The following SND1 variants were observed in gnomAD, a reference collection of about 807,000 sequenced individuals.
SND1 encodes staphylococcal nuclease domain-containing protein 1.
In SND1, 38 loss-of-function variants were observed where a neutral mutation model predicts 121.7. The observed-to-expected ratio is 0.31, with a 90% confidence interval of 0.24 to 0.41. The LOEUF (loss-of-function observed/expected upper bound fraction) is 0.41, where lower values mean the gene tolerates loss of function less well. Among genes scored for constraint, SND1 ranks in the 10% least tolerant of loss-of-function variants. The pLI, the probability that SND1 is intolerant of heterozygous loss-of-function variation, is 1.00. For synonymous variants in SND1, 401 were observed against 447.4 expected (o/e 0.90, Z 1.31); for missense variants, 868 against 1,184.6 (o/e 0.73, Z 3.92).
chr7:127,864,722 T>C (rs1799437061), intron 12 of SND1, among the ~76,000 whole-genome samples: 1 of 152,206 alleles, frequency 6.6e-6, no homozygotes, highest in Non-Finnish European at 1.5e-5. Context: ...TTCCCTGCAC[T>C]ATGGATTTTG....
intron 11 of SND1, among the ~76,000 whole-genome samples, chr7:127,825,745 T>C (rs1798632653): frequency 6.6e-6 from 1 of 152,226 alleles, no homozygotes; most frequent in South Asian, 2.1e-4. Flanking sequence ...ATGTCTCTTC[T>C]GTATTTTTTT....
intron 15 of SND1, among the ~76,000 whole-genome samples, chr7:127,932,681 ACAGCCACCACCTCCAT>A (rs1271956027): frequency 7.3e-6 from 1 of 137,556 alleles, no homozygotes; most frequent in Admixed American, 7.8e-5. Flanking sequence ...TTTTTTTGCC[ACAGCCACCACCTCCAT>A]CAGCAACCAC....
intron 15 of SND1, among the ~76,000 whole-genome samples, chr7:127,989,952 C>G (rs986386123): frequency 1.3e-5 from 2 of 152,256 alleles, no homozygotes; most frequent in Non-Finnish European, 1.5e-5. Context: ...GGCAGTCTCA[C>G]TTGGTTAGTG....
At chr7:128,019,630 G>A (rs1368416711) in intron 16 of SND1, among the ~76,000 whole-genome samples, 1 of 152,204 alleles carries the variant, frequency 6.6e-6, no homozygotes, top group Non-Finnish European at 1.5e-5. Context: ...TCCACCCAAT[G>A]CACATTTCTG....
In SND1 at chr7:127,929,066, G is replaced by A. The variant is rs546241356; in HGVS notation, c.1528-122G>A. The A allele has an allele frequency of 3.3e-6, 3 of 922,288 alleles. No homozygotes were observed. The South Asian group carries it at 5.0e-5, about 15-fold the overall frequency. 57.1% of individuals were successfully genotyped at this position (922,288 alleles called of 1,614,324 possible). The stretch of plus-strand genomic sequence containing the variant: ...GTATCATGTCTATGTCTTGGTTTCA[G>A]AAATGTCTATAAATAGGGTTATTTG... On this transcript the variant is annotated intron_variant, in intron 14 of 23. Transcript: ENST00000354725.
At chr7:127,689,458 G>A (rs2116313342) in intron 2 of SND1, among the ~76,000 whole-genome samples, 1 of 152,308 alleles carries the variant, frequency 6.6e-6, no homozygotes, top group South Asian at 2.1e-4. Context: ...TAAGAAAGAA[G>A]GGTTGGATTT....
intron 15 of SND1, among the ~76,000 whole-genome samples, chr7:127,962,744 T>C (rs556166921): frequency 1.1e-4 from 16 of 152,300 alleles, no homozygotes; most frequent in African/African-American, 3.8e-4. Context: ...GTTTTGTAGA[T>C]GAGGAAACAG....
At chr7:127,722,960 C>T (rs1441161905) in intron 10 of SND1, among the ~76,000 whole-genome samples, 1 of 152,150 alleles carries the variant, frequency 6.6e-6, no homozygotes, top group Non-Finnish European at 1.5e-5. Context: ...ATACACATCT[C>T]CAATTTTATC....
intron 16 of SND1, among the ~76,000 whole-genome samples, chr7:128,011,111 C>T (rs1803107717): frequency 6.6e-6 from 1 of 152,024 alleles, no homozygotes. Context: ...CCCCCCCACC[C>T]CCAAACACAC....
intron 11 of SND1, among the ~76,000 whole-genome samples, chr7:127,820,531 G>A (rs890122135): frequency 6.6e-6 from 1 of 152,062 alleles, no homozygotes; most frequent in Non-Finnish European, 1.5e-5. Flanking sequence ...GCTTTCCAAG[G>A]GGCAAATGGT....
chr7:127,718,171 G>T (rs565796152), intron 9 of SND1, among the ~76,000 whole-genome samples: 102 of 152,256 alleles, frequency 6.7e-4, no homozygotes, highest in African/African-American at 2.4e-3. Context: ...GGTGTGTGGG[G>T]TGTGAGCGTG....
chr7:128,086,727 C>T, intron 20 of SND1: 2 of 607,466 alleles, frequency 3.3e-6, no homozygotes, highest in Non-Finnish European at 5.9e-6. Context: ...CCAGAGTGAG[C>T]TCCCCATCTA....
At chr7:127,854,538 CTATTTATTTATTTATTTATTTATTTATT>C (rs59447282) in intron 12 of SND1, among the ~76,000 whole-genome samples, 1 of 145,368 alleles carries the variant, frequency 6.9e-6, no homozygotes, top group African/African-American at 2.5e-5. Flanking sequence ...TACTAGCATT[CTATTTATTTATTTATTTATTTATTTATT>C]TATTTATTTA....
intron 17 of SND1, among the ~76,000 whole-genome samples, chr7:128,075,980 A>G (rs1315782437): frequency 6.6e-6 from 1 of 152,184 alleles, no homozygotes; most frequent in Non-Finnish European, 1.5e-5. Flanking sequence ...CTCCTGTTTA[A>G]AGGTTGGCAC....
chr7:127,732,292 G>A (rs1355915721), intron 10 of SND1, among the ~76,000 whole-genome samples: 1 of 152,220 alleles, frequency 6.6e-6, no homozygotes, highest in Non-Finnish European at 1.5e-5. Flanking sequence ...CCACACTGTG[G>A]TTCCTTCCAT....
chr7:127,825,881 G>T (rs1798634594), intron 11 of SND1, among the ~76,000 whole-genome samples: 3 of 152,144 alleles, frequency 2.0e-5, no homozygotes, highest in Admixed American at 1.3e-4. Context: ...TAATCTGTCT[G>T]TGTGTCCTTT....
At chr7:127,973,295 T>A in intron 15 of SND1, among the ~76,000 whole-genome samples, 1 of 152,080 alleles carries the variant, frequency 6.6e-6, no homozygotes, top group African/African-American at 2.4e-5. Context: ...ATGTCAGAAA[T>A]GGAGATTAAA....
rs777146739 is a variant in SND1 at position 128,081,446 on chromosome 7, G to T, written c.2055G>T (p.Val685=). 1.9e-5 allele frequency: 30 copies of T among 1,614,098 alleles called. No homozygotes were observed. Among genetic ancestry groups the T allele is most frequent in the Non-Finnish European group, 2.5e-5 (30 of 1,180,040 alleles). The change falls in exon 18 of 24, where the codon GTG becomes GTT. Residue 685 remains valine (V), a synonymous_variant. Coordinates refer to ENST00000354725, the MANE Select transcript of SND1 (RefSeq NM_014390.4). ...AGCGATCTGCTAGCTACAAGCCCGTGTTTGTGACTGAGATCACTGATGACC... is the reference window on the plus strand; with the variant it reads ...AGCGATCTGCTAGCTACAAGCCCGTTTTTGTGACTGAGATCACTGATGACC... ...EKERSASYKP[V]FVTEITDDLH...
At chr7:127,957,573 G>T (rs142964887) in intron 15 of SND1, among the ~76,000 whole-genome samples, 3 of 152,142 alleles carry the variant, frequency 2.0e-5, no homozygotes, top group Non-Finnish European at 4.4e-5. Flanking sequence ...AAGTTATACC[G>T]TTGCCTTGCT....
Sources: allele counts gnomAD v4.1 joint callset (sites outside exome capture counted in the v4.1 genomes callset), GRCh38; gene constraint gnomAD v4.1.1; transcripts MANE v1.5; gene names NCBI Gene and HGNC (gene_info 2026-07-23, HGNC 2026-07-21).